GALNS: variants seen among roughly 807,000 people sequenced by gnomAD.
The protein encoded by GALNS is N-acetylgalactosamine-6-sulfatase.
In GALNS, 65 loss-of-function variants were observed where a neutral mutation model predicts 65.9. The observed-to-expected ratio is 0.99, with a 90% CI of 0.81 to 1.21. GALNS has a LOEUF of 1.21. Among genes scored for constraint, GALNS ranks in the 50% most tolerant of loss-of-function variants. The probability of loss-of-function intolerance (pLI) is 0.00; values close to 1 mark genes in which losing one functional copy is unlikely to be tolerated. For synonymous variants in GALNS, 346 were observed against 288.9 expected, an observed-to-expected ratio of 1.20 and a Z score of -2.00; for missense variants, 776 against 700.7, an observed-to-expected ratio of 1.11 and a Z score of -1.21.
At chr16:88,825,185 ACTGGGTGTCTAGGGTGC>A (rs1910710028) in intron 10 of GALNS, among the ~76,000 whole-genome samples, 2 of 63,882 alleles carry the variant, frequency 3.1e-5, no homozygotes, top group Admixed American at 1.8e-4. Context: ...GGCTGGGGTG[ACTGGGTGTCTAGGGTGC>A]CTGGGTGTCT....
intron 4 of GALNS, among the ~76,000 whole-genome samples, chr16:88,839,094 G>C (rs1385825443): frequency 1.3e-5 from 2 of 152,056 alleles, no homozygotes; most frequent in East Asian, 3.9e-4. Flanking sequence ...CCAGCCACAG[G>C]GGACACTCGT....
intron 1 of GALNS, among the ~76,000 whole-genome samples, chr16:88,849,005 A>C (rs1211717317): frequency 1.3e-5 from 2 of 152,134 alleles, no homozygotes; most frequent in African/African-American, 4.8e-5. Flanking sequence ...AGCCCCTCCT[A>C]ACGTGTGGAG....
Position 88,833,963 on chromosome 16 carries a change from G to A in GALNS, c.898+1250C>T, listed in dbSNP as rs932989700. On this transcript the variant is annotated intron_variant, in intron 8 of 13. Coordinates refer to ENST00000268695, the MANE Select transcript of GALNS (RefSeq NM_000512.5). ...CTGGCTGGTGGTTGTGGGTGCTGGCGTCGAGGTGGGCCCCCCCGGGCTCCC... is the reference window on the plus strand; with the variant it reads ...CTGGCTGGTGGTTGTGGGTGCTGGCATCGAGGTGGGCCCCCCCGGGCTCCC... 4.6e-5 allele frequency among the ~76,000 whole-genome samples: 7 copies of A among 152,344 alleles called. 1 individual carries two copies. Among genetic ancestry groups the A allele is most frequent in the South Asian group, 4.1e-4 (2 of 4,830 alleles).
chr16:88,836,684 T>G (rs1374803848), intron 5 of GALNS, among the ~76,000 whole-genome samples: 1 of 148,132 alleles, frequency 6.8e-6, no homozygotes, highest in Non-Finnish European at 1.5e-5. Context: ...AGCCTGGAAA[T>G]GAAATGTCCA....
Position 88,856,815 on chromosome 16 carries a change from C to G in GALNS, c.63G>C (p.Gly21=). The G allele has an allele frequency of 6.5e-7, 1 of 1,534,140 alleles. No homozygotes were observed. Among genetic ancestry groups the G allele is most frequent in the Non-Finnish European group, 8.7e-7 (1 of 1,150,684 alleles). Residue 21 remains glycine, a synonymous_variant, in exon 1 of 14, where the codon GGG becomes GGC. Transcript: ENST00000268695. The stretch of plus-strand genomic sequence containing the variant: ...GCTGCGGGGCGCCCGAGGCCCCCAT[C>G]CCCGCGGCGCTGAGCACCAGCAACA... ...WQLLLVLSAA[G]MGASGAPQPP... is the part of the protein sequence containing the mutation.
In GALNS at chr16:88,826,721, G is replaced by C. The variant is rs761455237; in HGVS notation, c.1120C>G (p.Gln374Glu). 4 of 1,612,672 alleles carry C rather than the reference G, an allele frequency of 2.5e-6. No individual in the cohort carries two copies. In the South Asian group the frequency reaches 4.4e-5, roughly 18 times the overall value. Residue 374 changes from glutamine (Q) to glutamate (E), a missense_variant, in exon 10 of 14, where the codon CAG (glutamine) becomes GAG (glutamate). Physicochemically the swap from Gln to Glu is conservative, Grantham distance 29 (BLOSUM62 2). Transcript: ENST00000268695. Reference protein sequence around the residue: ...DGLNLLPTLLQGRLMDRPIFY... With the variant: ...DGLNLLPTLLEGRLMDRPIFY... ...ACCAACCTGTCCATCAGCCGGCCCT[G>C]CAGGAGGGTGGGGAGGAGGTTGAGG... is the stretch of plus-strand genomic sequence containing the variant.
intron 1 of GALNS, chr16:88,855,228 CCT>C (rs758602663): frequency 8.2e-5 from 57 of 698,278 alleles, no homozygotes; most frequent in Non-Finnish European, 1.2e-4. Flanking sequence ...CCGCCTCACC[CCT>C]CTGTCCTCTG....
At chr16:88,833,696 C>A (rs1022114803) in intron 8 of GALNS, among the ~76,000 whole-genome samples, 3 of 151,956 alleles carry the variant, frequency 2.0e-5, no homozygotes, top group African/African-American at 7.3e-5. Flanking sequence ...GTGATCCACC[C>A]GCCTCAGCCT....
chr16:88,833,442 C>A (rs1356923227), intron 8 of GALNS, among the ~76,000 whole-genome samples: 3 of 149,082 alleles, frequency 2.0e-5, no homozygotes, highest in Non-Finnish European at 4.4e-5. Context: ...CTTTCCTTCT[C>A]TCTCCCATCC....
At chr16:88,814,835 G>A (rs140734477) in intron 13 of GALNS, among the ~76,000 whole-genome samples, 336 of 152,260 alleles carry the variant, frequency 2.2e-3, no homozygotes, top group Non-Finnish European at 3.5e-3. Flanking sequence ...TCCTGACCTC[G>A]TGATCCACCT....
intron 12 of GALNS, among the ~76,000 whole-genome samples, chr16:88,819,532 CTTGT>C (rs1048468894): frequency 1.3e-5 from 2 of 151,948 alleles, no homozygotes; most frequent in Admixed American, 6.6e-5. Context: ...TTGCTTTAAT[CTTGT>C]TTATTTCATT....
chr16:88,852,456 A>G (rs1009154942), intron 1 of GALNS, among the ~76,000 whole-genome samples: 4 of 152,236 alleles, frequency 2.6e-5, no homozygotes, highest in African/African-American at 9.6e-5. Flanking sequence ...TGAAAATTCT[A>G]AAAACCAGAG....
intron 12 of GALNS, among the ~76,000 whole-genome samples, chr16:88,821,040 G>C (rs1282814895): frequency 1.3e-5 from 2 of 152,172 alleles, no homozygotes; most frequent in African/African-American, 4.8e-5. Context: ...GCCCCCCATG[G>C]TTTCACGGGT....
chr16:88,824,913 C>A lies in GALNS; in HGVS notation c.1140-44G>T, dbSNP rs375087375. On this transcript the variant is annotated intron_variant, in intron 10 of 13. Coordinates refer to ENST00000268695, the MANE Select transcript of GALNS (RefSeq NM_000512.5). ...GGACCATGTAATGACAGGAAGGACA[C>A]GCTGGGGCCACCTGGAGGCTCTGGG... 28 of 1,537,730 alleles carry A rather than the reference C, an allele frequency of 1.8e-5. No homozygotes were observed. The Middle Eastern group carries it at 6.9e-4, about 38-fold the overall frequency.
rs113631616 is a variant in GALNS, at chr16:88,851,866, C to T, written c.120+4892G>A. ...AACAAAGCGGCAGGGAAGCTCGAAC[C>T]GGGCAGAGCCCACCGCAGCTCTGCA... On this transcript the variant is annotated intron_variant, in intron 1 of 13. Transcript: ENST00000268695. 3.7e-3 allele frequency among the ~76,000 whole-genome samples: 564 copies of T among 152,332 alleles called. 2 individuals carry two copies. Among genetic ancestry groups the T allele is most frequent in the African/African-American group, 0.012 (511 of 41,572 alleles).
At chr16:88,821,732 C>A (rs112612728) in intron 12 of GALNS, among the ~76,000 whole-genome samples, 1,595 of 152,318 alleles carry the variant, frequency 0.01, 23 homozygotes, top group African/African-American at 0.036. Context: ...CTACTCAAAC[C>A]CAGGCCCATC....
At chr16:88,820,875 A>G (rs1349539620) in intron 12 of GALNS, among the ~76,000 whole-genome samples, 1 of 152,126 alleles carries the variant, frequency 6.6e-6, no homozygotes, top group Non-Finnish European at 1.5e-5. Context: ...TGTGGCCAGC[A>G]GCTTGTTCTG....
In GALNS at chr16:88,816,113, G is replaced by A. The variant is rs1046102722; in HGVS notation, c.1483-1588C>T. Reference sequence around the variant, plus strand: ...CAGACCCCAGTGGCTCAGCTCGCCAGGTCTGAGTTGGCACTTTTCCCCCTG... The same window carrying A: ...CAGACCCCAGTGGCTCAGCTCGCCAAGTCTGAGTTGGCACTTTTCCCCCTG... On this transcript the variant is annotated intron_variant, in intron 13 of 13. Transcript: ENST00000268695. 19 of 984,850 alleles carry A rather than the reference G, an allele frequency of 1.9e-5. No individual in the cohort carries two copies. In the African/African-American group the frequency reaches 3.2e-4, roughly 16 times the overall value. The allele number at this position is 984,850 out of a possible 1,614,324, so 61.0% of individuals were successfully genotyped here. A position where few individuals can be genotyped will look rare whatever the true frequency, so the allele number is the denominator to read the frequency against.
intron 12 of GALNS, among the ~76,000 whole-genome samples, chr16:88,820,903 A>G (rs1408992832): frequency 6.6e-6 from 1 of 152,112 alleles, no homozygotes; most frequent in African/African-American, 2.4e-5. Context: ...GGGGCCTGCA[A>G]TCTGCTCCCC....
Sources: allele counts gnomAD v4.1 joint callset (sites outside exome capture counted in the v4.1 genomes callset), GRCh38; gene constraint gnomAD v4.1.1; transcripts MANE v1.5; gene names NCBI Gene and HGNC (gene_info 2026-07-23, HGNC 2026-07-21).